NCKAP1L: variants seen among roughly 807,000 people sequenced by gnomAD.
The protein encoded by NCKAP1L is nck-associated protein 1-like.
A neutral mutation model predicts 139.2 loss-of-function variants in NCKAP1L; 53 were observed. The observed-to-expected ratio is 0.38, with a 90% CI of 0.31 to 0.48. NCKAP1L has a LOEUF of 0.48. Ranked by LOEUF, NCKAP1L falls within the 20% of genes least tolerant of loss-of-function variation. The pLI is 0.98. For synonymous variants in NCKAP1L, 468 were observed against 499.7 expected (o/e 0.94, Z 0.85); for missense variants, 1,151 against 1,381.9 (o/e 0.83, Z 2.65).
chr12:54,516,669 C>T (rs1956934531), intron 10 of NCKAP1L, among the ~76,000 whole-genome samples: 1 of 152,152 alleles, frequency 6.6e-6, no homozygotes, highest in African/African-American at 2.4e-5. Flanking sequence ...TGGTCTTGAA[C>T]TCCTGACCTC....
intron 13 of NCKAP1L, among the ~76,000 whole-genome samples, chr12:54,518,244 A>T (rs1190355340): frequency 6.6e-6 from 1 of 152,062 alleles, no homozygotes; most frequent in African/African-American, 2.4e-5. Flanking sequence ...CAGGAGGCTG[A>T]GGCAGGAGAA....
intron 24 of NCKAP1L, 70 bp from the exon 25 acceptor site, chr12:54,531,673 G>C: frequency 6.2e-7 from 1 of 1,600,110 alleles, no homozygotes; most frequent in Non-Finnish European, 8.6e-7. Flanking sequence ...GCTAGGCGGG[G>C]TCTGTAGAAT....
intron 3 of NCKAP1L, among the ~76,000 whole-genome samples, chr12:54,506,773 T>C (rs1415184903): frequency 1.5e-5 from 1 of 68,416 alleles, no homozygotes. Context: ...TTCAAATCTT[T>C]TGGCAACATA....
intron 3 of NCKAP1L, among the ~76,000 whole-genome samples, chr12:54,505,444 C>CTT (rs60418317): frequency 7.2e-6 from 1 of 139,494 alleles, no homozygotes; most frequent in Non-Finnish European, 1.6e-5. Context: ...TTCCTTGTGC[C>CTT]TTTTTTTTTT....
intron 5 of NCKAP1L, among the ~76,000 whole-genome samples, 180 bp from the exon 6 acceptor site, chr12:54,509,489 G>A (rs1184554722): frequency 1.3e-5 from 2 of 152,190 alleles, no homozygotes; most frequent in Non-Finnish European, 2.9e-5. Flanking sequence ...TTTAGCCATA[G>A]CTTAGTAACC....
intron 9 of NCKAP1L, chr12:54,512,307 G>C: frequency 2.2e-6 from 1 of 462,382 alleles, no homozygotes; most frequent in East Asian, 4.0e-5. Context: ...ACAACATGGA[G>C]GTTAAGAGCA....
Position 54,507,867 on chromosome 12 carries a change from A to T in NCKAP1L, c.321A>T (p.Glu107Asp). 1 of 1,613,998 alleles carries T rather than the reference A, an allele frequency of 6.2e-7. No homozygotes were observed. ...TCCACCCCCAGGATCATGTATATGA[A>T]CTTCTCAACACCATTGATGCCTGCC... ...DVMEFRDHVYELLNTIDACQC... is the reference protein window; with the variant it reads ...DVMEFRDHVYDLLNTIDACQC... Residue 107 changes from glutamate (E) to aspartate (D), a missense_variant, in exon 4 of 31, where the codon GAA becomes GAT. Glu to Asp is a conservative substitution (Grantham distance 45). Coordinates refer to ENST00000293373, the MANE Select transcript of NCKAP1L (RefSeq NM_005337.5).
intron 29 of NCKAP1L, among the ~76,000 whole-genome samples, chr12:54,537,400 A>G (rs1285236860): frequency 2.0e-5 from 3 of 152,178 alleles, no homozygotes; most frequent in Non-Finnish European, 2.9e-5. Flanking sequence ...ATTAAACTGA[A>G]CCCATGAATT....
At chr12:54,524,751 A>G (rs1957013942) in intron 20 of NCKAP1L, among the ~76,000 whole-genome samples, 1 of 152,182 alleles carries the variant, frequency 6.6e-6, no homozygotes, top group African/African-American at 2.4e-5. Context: ...ATAAGAAAGC[A>G]GAATACGTAG....
rs755805293 is a variant in NCKAP1L at position 54,531,365 on chromosome 12, G to A, written c.2604+8G>A. The A allele has an allele frequency of 1.2e-6, 2 of 1,613,650 alleles. No individual in the cohort carries two copies. Among genetic ancestry groups the A allele is most frequent in the East Asian group, 4.5e-5 (2 of 44,892 alleles). On this transcript the variant is annotated splice_region_variant and intron_variant, in intron 23 of 30. Transcript: ENST00000293373. Reference sequence around the variant, plus strand: ...CAGATTGTGGAGCTGAAGGTACTATGGAAACAATCCCTTGGGGAAAAGATC... The same window carrying A: ...CAGATTGTGGAGCTGAAGGTACTATAGAAACAATCCCTTGGGGAAAAGATC...
chr12:54,531,413 G>T lies in NCKAP1L; in HGVS notation c.2604+56G>T, dbSNP rs12580728. The T allele has an allele frequency of 1.9e-4, 306 of 1,605,048 alleles. 1 individual carries two copies. In the East Asian group the frequency reaches 6.0e-3, roughly 31 times the overall value. Reference sequence around the variant, plus strand: ...ATCCTACCTTGAGGAAAGAGGGTGGGTATAGGAGACTGGGGGGGAAGATGT... The same window carrying T: ...ATCCTACCTTGAGGAAAGAGGGTGGTTATAGGAGACTGGGGGGGAAGATGT... On this transcript the variant is annotated intron_variant, in intron 23 of 30. Coordinates refer to ENST00000293373, the MANE Select transcript of NCKAP1L (RefSeq NM_005337.5).
In NCKAP1L at chr12:54,535,280, G is replaced by A. The variant is rs532563111; in HGVS notation, c.2956+83G>A. ...GTGAAAAAATGTCAATGTCAAAGAA[G>A]CCTTTATTTGAGATTATATATTCAG... is the stretch of plus-strand genomic sequence containing the variant. On this transcript the variant is annotated intron_variant, in intron 27 of 30. Coordinates refer to ENST00000293373, the MANE Select transcript of NCKAP1L (RefSeq NM_005337.5). The A allele has an allele frequency of 3.9e-4, 401 of 1,032,332 alleles. 4 individuals carry two copies. In the South Asian group the frequency reaches 5.2e-3, roughly 13 times the overall value. The allele number at this position is 1,032,332 out of a possible 1,614,324, so 63.9% of individuals were successfully genotyped here. A position where few individuals can be genotyped will look rare whatever the true frequency, so the allele number is the denominator to read the frequency against.
chr12:54,538,222 C>A (rs1161422001), intron 29 of NCKAP1L, among the ~76,000 whole-genome samples: 1 of 152,196 alleles, frequency 6.6e-6, no homozygotes, highest in Non-Finnish European at 1.5e-5. Context: ...TGGTGTGTCT[C>A]TATTTAAGCT....
intron 3 of NCKAP1L, among the ~76,000 whole-genome samples, chr12:54,503,848 C>T (rs1369796848): frequency 6.6e-6 from 1 of 151,980 alleles, no homozygotes; most frequent in Non-Finnish European, 1.5e-5. Flanking sequence ...ACCATGTTGG[C>T]CAAGCTGGCC....
chr12:54,509,819 G>A (rs369907658), intron 6 of NCKAP1L, 29 bp from the exon 7 acceptor site: 2 of 1,613,982 alleles, frequency 1.2e-6, no homozygotes, highest in African/African-American at 1.3e-5. Context: ...CATGATTGCC[G>A]CTAAGGTTTC....
At chr12:54,521,564 A>G (rs1185855073) in intron 18 of NCKAP1L, among the ~76,000 whole-genome samples, 1 of 152,132 alleles carries the variant, frequency 6.6e-6, no homozygotes, top group Non-Finnish European at 1.5e-5. Flanking sequence ...CCCTGCGTAC[A>G]CATACTAAGG....
chr12:54,503,567 C>T (rs1956818303), intron 3 of NCKAP1L, among the ~76,000 whole-genome samples: 1 of 151,012 alleles, frequency 6.6e-6, no homozygotes, highest in Non-Finnish European at 1.5e-5. Context: ...AGTATGTGCC[C>T]ACAAATGAAT....
At chr12:54,497,983 C>CT in intron 1 of NCKAP1L, 92 bp downstream of exon 1, 2 of 749,864 alleles carry the variant, frequency 2.7e-6, no homozygotes, top group Non-Finnish European at 2.4e-6. Flanking sequence ...AGACTCCCAC[C>CT]TTTTTTTCCA....
intron 7 of NCKAP1L, 80 bp downstream of exon 7, chr12:54,510,065 G>A (rs1428599350): frequency 2.0e-6 from 3 of 1,532,132 alleles, no homozygotes; most frequent in African/African-American, 1.4e-5. Context: ...CTTCTTTCAG[G>A]AAATATCAGT....
Sources: allele counts gnomAD v4.1 joint callset (sites outside exome capture counted in the v4.1 genomes callset), GRCh38; gene constraint gnomAD v4.1.1; transcripts MANE v1.5; gene names NCBI Gene and HGNC (gene_info 2026-07-23, HGNC 2026-07-21).